The following RAP1GDS1 variants were observed in gnomAD, a reference collection of about 807,000 sequenced individuals.
RAP1GDS1 encodes the protein Rap1 GTPase-GDP dissociation stimulator 1.
In RAP1GDS1, 35 loss-of-function variants were observed where a neutral mutation model predicts 71.1. The ratio of observed to expected loss-of-function variants is 0.49; its 90% CI spans 0.38 to 0.65. RAP1GDS1 has a LOEUF of 0.65. Ranked by LOEUF, RAP1GDS1 falls within the 30% of genes least tolerant of loss-of-function variation. The probability of loss-of-function intolerance (pLI) is 0.00; values close to 1 mark genes in which losing one functional copy is unlikely to be tolerated. For missense variants in RAP1GDS1, 663 were observed against 706.1 expected (o/e 0.94, Z 0.69); for synonymous variants, 229 against 243.1 (o/e 0.94, Z 0.54).
In RAP1GDS1 at chr4:98,261,507, G is replaced by C. The variant is rs966149425; in HGVS notation, c.-59G>C. The C allele has an allele frequency of 1.4e-4, 215 of 1,564,544 alleles. 1 individual carries two copies. Among genetic ancestry groups the C allele is most frequent in the East Asian group, 7.2e-4 (30 of 41,838 alleles). ...AGGTAGAGGGAGGACACAGAGCCGC[G>C]CCGCCCGCACCACAGACCTTCGCCT... On this transcript the variant is annotated 5_prime_UTR_variant, in exon 1 of 15. Transcript: ENST00000408927.
At chr4:98,411,102 C>T (rs1747002209) in intron 7 of RAP1GDS1, among the ~76,000 whole-genome samples, 1 of 152,178 alleles carries the variant, frequency 6.6e-6, no homozygotes, top group African/African-American at 2.4e-5. Flanking sequence ...ATGATGCATA[C>T]ATGATACATA....
At chr4:98,320,393 C>G (rs1201993014) in intron 2 of RAP1GDS1, among the ~76,000 whole-genome samples, 3 of 152,050 alleles carry the variant, frequency 2.0e-5, no homozygotes, top group African/African-American at 7.3e-5. Context: ...TGAAAATGTC[C>G]CCGTTACGTG....
intron 4 of RAP1GDS1, among the ~76,000 whole-genome samples, chr4:98,360,227 A>T (rs2110439503): frequency 6.6e-6 from 1 of 152,260 alleles, no homozygotes; most frequent in East Asian, 1.9e-4. Flanking sequence ...AGTAATTTCG[A>T]GTAATTGTTC....
At chr4:98,293,554 A>G (rs777956234) in intron 2 of RAP1GDS1, 39 bp downstream of exon 2, 1 of 1,471,156 alleles carries the variant, frequency 6.8e-7, no homozygotes, top group Non-Finnish European at 9.4e-7. Flanking sequence ...CAAAGAAGAA[A>G]ATCAAATCAG....
intron 2 of RAP1GDS1, among the ~76,000 whole-genome samples, chr4:98,303,297 CTCT>C (rs1404894685): frequency 6.6e-6 from 1 of 152,144 alleles, no homozygotes; most frequent in African/African-American, 2.4e-5. Flanking sequence ...ACAGTAGTCA[CTCT>C]TCAACATGGC....
intron 4 of RAP1GDS1, among the ~76,000 whole-genome samples, chr4:98,360,246 A>G (rs1037073163): frequency 6.6e-6 from 1 of 152,182 alleles, no homozygotes. Flanking sequence ...TCTTAATTTT[A>G]TAGATACGAA....
In RAP1GDS1 at chr4:98,308,330, T is replaced by TATATATATGC. The variant is rs1388878570; in HGVS notation, c.112+14817_112+14818insATATATGCAT. Among the ~76,000 whole-genome samples the TATATATATGC allele has an allele frequency of 3.6e-5, 5 of 138,394 alleles. 1 individual carries two copies. Among genetic ancestry groups the TATATATATGC allele is most frequent in the African/African-American group, 1.4e-4 (5 of 36,262 alleles). 90.8% of individuals were successfully genotyped at this position (138,394 alleles called of 152,430 possible). ...ATATATATATATATATATATATATATATGCGCCAGGCATGGTGGTGTGTCT... is the reference window on the plus strand; with the variant it reads ...ATATATATATATATATATATATATATATATATATGCATGCGCCAGGCATGGTGGTGTGTCT... On this transcript the variant is annotated intron_variant, in intron 2 of 14. Transcript: ENST00000408927.
At chr4:98,306,197 TATAAC>T (rs1729302565) in intron 2 of RAP1GDS1, among the ~76,000 whole-genome samples, 1 of 152,206 alleles carries the variant, frequency 6.6e-6, no homozygotes, top group African/African-American at 2.4e-5. Context: ...TTTGTGCTGT[TATAAC>T]AGAATACCAC....
At position 98,421,046 on chromosome 4, in the gene RAP1GDS1, T is replaced by C. The variant is rs146896800; in HGVS notation, c.1301-209T>C. ...CAGGCTTAACCAAAAGAGTATGAAG[T>C]CATTTGTTGTTGTATTTTCTATAAA... On this transcript the variant is annotated intron_variant, in intron 11 of 14. Transcript: ENST00000408927. Among the ~76,000 whole-genome samples the C allele has an allele frequency of 1.9e-3, 294 of 152,282 alleles. 1 individual carries two copies. The highest frequency in any genetic ancestry group is 6.7e-3 in the African/African-American group (278 of 41,546).
intron 4 of RAP1GDS1, among the ~76,000 whole-genome samples, chr4:98,359,208 A>G (rs1738378665): frequency 6.6e-6 from 1 of 152,144 alleles, no homozygotes; most frequent in African/African-American, 2.4e-5. Flanking sequence ...AGATTTACGG[A>G]GTGGGAATTC....
chr4:98,332,440 G>T (rs1734141563), intron 2 of RAP1GDS1, among the ~76,000 whole-genome samples: 1 of 152,060 alleles, frequency 6.6e-6, no homozygotes, highest in African/African-American at 2.4e-5. Flanking sequence ...GTTAGAACTG[G>T]AGAAAAAAGG....
intron 2 of RAP1GDS1, among the ~76,000 whole-genome samples, chr4:98,310,181 C>A (rs1314852221): frequency 6.6e-6 from 1 of 152,054 alleles, no homozygotes; most frequent in East Asian, 1.9e-4. Context: ...AGGTCTCATT[C>A]ATTCATTTAT....
At chr4:98,299,913 C>G (rs1025182421) in intron 2 of RAP1GDS1, among the ~76,000 whole-genome samples, 1 of 152,126 alleles carries the variant, frequency 6.6e-6, no homozygotes, top group Non-Finnish European at 1.5e-5. Context: ...GCCACTGCGC[C>G]TGGCCTCGAA....
At chr4:98,325,691 A>G (rs1246581410) in intron 2 of RAP1GDS1, among the ~76,000 whole-genome samples, 6 of 148,202 alleles carry the variant, frequency 4.0e-5, no homozygotes, top group South Asian at 2.2e-4. Context: ...CAAACACCGA[A>G]TATTCTCACT....
chr4:98,437,590 C>A (rs970566019), intron 14 of RAP1GDS1, among the ~76,000 whole-genome samples: 1 of 151,860 alleles, frequency 6.6e-6, no homozygotes, highest in African/African-American at 2.4e-5. Context: ...GCCAGGAGTT[C>A]GAGACCAGCC....
intron 2 of RAP1GDS1, among the ~76,000 whole-genome samples, chr4:98,339,799 A>T (rs1264231340): frequency 6.6e-6 from 1 of 152,258 alleles, no homozygotes; most frequent in Admixed American, 6.5e-5. Flanking sequence ...TATTATTAAA[A>T]AGTCAAAAAA....
At chr4:98,345,571 T>C (rs1736111609) in intron 3 of RAP1GDS1, among the ~76,000 whole-genome samples, 1 of 150,010 alleles carries the variant, frequency 6.7e-6, no homozygotes, top group Non-Finnish European at 1.5e-5. Flanking sequence ...AAATAAGATA[T>C]GACATATCTG....
At chr4:98,341,057 G>T (rs771520359) in intron 2 of RAP1GDS1, among the ~76,000 whole-genome samples, 30 of 152,120 alleles carry the variant, frequency 2.0e-4, no homozygotes, top group Non-Finnish European at 3.7e-4. Context: ...ACACTTTGTA[G>T]TTATTTATTG....
chr4:98,301,006 T>G (rs1217084855), intron 2 of RAP1GDS1, among the ~76,000 whole-genome samples: 1 of 147,940 alleles, frequency 6.8e-6, no homozygotes, highest in Non-Finnish European at 1.5e-5. Context: ...TTATCAACTG[T>G]TTTTTTTTTC....
Sources: allele counts gnomAD v4.1 joint callset (sites outside exome capture counted in the v4.1 genomes callset), GRCh38; gene constraint gnomAD v4.1.1; transcripts MANE v1.5; gene names NCBI Gene and HGNC (gene_info 2026-07-23, HGNC 2026-07-21).